Variants in SLC24A4 observed in about 807,000 individuals in gnomAD.
SLC24A4 encodes the protein solute carrier family 24 member 4.
Under a neutral mutation model 79.0 loss-of-function variants are expected in SLC24A4, and 53 were observed. That is an observed-to-expected ratio of 0.67 (90% CI 0.54 to 0.84). SLC24A4 has a LOEUF of 0.84. SLC24A4 is among the 40% of genes least tolerant of loss of function. The probability of loss-of-function intolerance (pLI) is 0.00; values close to 1 mark genes in which losing one functional copy is unlikely to be tolerated. For missense variants in SLC24A4, 731 were observed against 822.0 expected (o/e 0.89, Z 1.35); for synonymous variants, 323 against 323.8 (o/e 1.00, Z 0.03).
chr14:92,472,534 A>G (rs1386032895), intron 12 of SLC24A4, among the ~76,000 whole-genome samples: 7 of 152,186 alleles, frequency 4.6e-5, no homozygotes, highest in African/African-American at 9.7e-5. Context: ...TTCACATAGA[A>G]TAATAGTCCC....
intron 2 of SLC24A4, among the ~76,000 whole-genome samples, chr14:92,340,271 G>T (rs766929348): frequency 7.9e-5 from 12 of 152,240 alleles, no homozygotes; most frequent in Non-Finnish European, 1.5e-4. Context: ...CCAGTCCTCA[G>T]TGAGCCCACA....
intron 12 of SLC24A4, among the ~76,000 whole-genome samples, chr14:92,463,240 C>A (rs1012987698): frequency 1.3e-5 from 2 of 152,162 alleles, no homozygotes; most frequent in Non-Finnish European, 2.9e-5. Context: ...AGGGCTCTAC[C>A]GGTGGGGAGG....
intron 9 of SLC24A4, among the ~76,000 whole-genome samples, 164 bp downstream of exon 9, chr14:92,447,588 G>A (rs1156835140): frequency 6.6e-6 from 1 of 152,180 alleles, no homozygotes; most frequent in Non-Finnish European, 1.5e-5. Context: ...GAGTAGGGGA[G>A]GGGTGTCAGA....
At chr14:92,336,640 A>G (rs77741739) in intron 2 of SLC24A4, among the ~76,000 whole-genome samples, 1,711 of 152,320 alleles carry the variant, frequency 0.011, 41 homozygotes, top group African/African-American at 0.039. Flanking sequence ...TGAAGCTGGA[A>G]GGCACCCAGT....
At position 92,441,654 on chromosome 14, in the gene SLC24A4, G is replaced by C. The variant is rs546372416; in HGVS notation, c.394-435G>C. ...CTGTTCTAGGCACCAGGGATGCAAAGTTGGGAAAGACCAGTTGCTGCCCTC... is the reference window on the plus strand; with the variant it reads ...CTGTTCTAGGCACCAGGGATGCAAACTTGGGAAAGACCAGTTGCTGCCCTC... On this transcript the variant is annotated intron_variant, in intron 4 of 16. Transcript: ENST00000532405. The surrounding 1 kb of genome is among the most constrained non-coding windows in gnomAD (Gnocchi z 4.6). Among the ~76,000 whole-genome samples the C allele has an allele frequency of 6.6e-6, 1 of 152,374 alleles. No individual in the cohort carries two copies. The highest frequency in any genetic ancestry group is 1.9e-4 in the East Asian group (1 of 5,184).
rs138799978 is a variant in SLC24A4, at chr14:92,344,478, T to G, written c.241+18500T>G. On this transcript the variant is annotated intron_variant, in intron 2 of 16. Transcript: ENST00000532405. ...AGTGAGGGGGACATTTAAAAGGGAG[T>G]TCATCTTGAATCAGATGATAGCTAG... Among the ~76,000 whole-genome samples, 563 of 152,202 alleles carry G rather than the reference T, an allele frequency of 3.7e-3. 8 individuals are homozygous for G. Among genetic ancestry groups the G allele is most frequent in the African/African-American group, 0.013 (525 of 41,512 alleles).
chr14:92,346,114 C>T (rs182616953), intron 2 of SLC24A4, among the ~76,000 whole-genome samples: 12 of 152,164 alleles, frequency 7.9e-5, no homozygotes, highest in South Asian at 2.1e-4. Context: ...GAGGAGGGCA[C>T]GTGTTTGTCT....
chr14:92,369,378 C>G (rs925169908), intron 2 of SLC24A4, among the ~76,000 whole-genome samples: 3 of 152,172 alleles, frequency 2.0e-5, no homozygotes, highest in Non-Finnish European at 2.9e-5. Flanking sequence ...ACCATGAGGA[C>G]ATCAGCAGAT....
intron 2 of SLC24A4, among the ~76,000 whole-genome samples, chr14:92,430,583 C>G (rs1048116345): frequency 6.6e-6 from 1 of 152,162 alleles, no homozygotes; most frequent in African/African-American, 2.4e-5. Flanking sequence ...GATGGGTGCA[C>G]GGGAGGGAGG....
intron 2 of SLC24A4, among the ~76,000 whole-genome samples, chr14:92,397,164 C>A (rs1001431766): frequency 6.6e-6 from 1 of 152,136 alleles, no homozygotes; most frequent in Non-Finnish European, 1.5e-5. Flanking sequence ...TTCTCAGTTG[C>A]TCTGACGTTG....
At chr14:92,373,202 A>C (rs1595180136) in intron 2 of SLC24A4, among the ~76,000 whole-genome samples, 1 of 64,176 alleles carries the variant, frequency 1.6e-5, no homozygotes, top group African/African-American at 3.5e-5. Context: ...ACGCACACAC[A>C]CACACACACA....
At chr14:92,394,694 G>A (rs956892168) in intron 2 of SLC24A4, among the ~76,000 whole-genome samples, 3 of 152,134 alleles carry the variant, frequency 2.0e-5, no homozygotes, top group African/African-American at 4.8e-5. Context: ...AACCAAAAAG[G>A]AGCCTAGGAC....
At chr14:92,388,974 AC>A (rs2141729979) in intron 2 of SLC24A4, among the ~76,000 whole-genome samples, 1 of 151,190 alleles carries the variant, frequency 6.6e-6, no homozygotes, top group Non-Finnish European at 1.5e-5. Flanking sequence ...AAACAAACAA[AC>A]AAACTCACTT....
At chr14:92,379,342 A>G (rs1194334406) in intron 2 of SLC24A4, among the ~76,000 whole-genome samples, 1 of 152,020 alleles carries the variant, frequency 6.6e-6, no homozygotes, top group African/African-American at 2.4e-5. Flanking sequence ...GAGTTCACCA[A>G]GGTGAGAAAG....
At chr14:92,332,796 T>C (rs933788246) in intron 2 of SLC24A4, among the ~76,000 whole-genome samples, 1 of 152,240 alleles carries the variant, frequency 6.6e-6, no homozygotes, top group Non-Finnish European at 1.5e-5. Flanking sequence ...CCAAAGATGA[T>C]ATAATGCCTG....
At chr14:92,442,053 T>C (rs1261861662) in intron 4 of SLC24A4, 36 bp from the exon 5 acceptor site, 1 of 1,561,152 alleles carries the variant, frequency 6.4e-7, no homozygotes, top group South Asian at 1.1e-5. Context: ...TACCCCCACG[T>C]CACACCCTGA....
chr14:92,447,332 G>T, intron 8 of SLC24A4, 39 bp from the exon 9 acceptor site: 2 of 1,604,742 alleles, frequency 1.2e-6, no homozygotes, highest in Non-Finnish European at 1.7e-6. Context: ...CCTGCCCCGG[G>T]CCCCGAGCTC....
chr14:92,347,676 C>T (rs1886617812), intron 2 of SLC24A4, among the ~76,000 whole-genome samples: 1 of 152,176 alleles, frequency 6.6e-6, no homozygotes, highest in Admixed American at 6.5e-5. Flanking sequence ...CGCCTGTAAT[C>T]CCAGCACTTT....
At chr14:92,406,812 G>T (rs917286601) in intron 2 of SLC24A4, among the ~76,000 whole-genome samples, 5 of 151,930 alleles carry the variant, frequency 3.3e-5, no homozygotes, top group Non-Finnish European at 2.9e-5. Context: ...GGGGGTCTCT[G>T]AAATGCCCTG....
Sources: gnomAD v4.1 joint callset for allele counts (sites outside exome capture counted in the v4.1 genomes callset) on GRCh38, gnomAD v4.1.1 for gene constraint, Gnocchi (gnomAD v3.1) non-coding constraint, MANE v1.5 for transcripts, NCBI Gene and HGNC (gene_info 2026-07-23, HGNC 2026-07-21) for gene names.